AOPEP: variants seen among roughly 807,000 people sequenced by gnomAD.
AOPEP encodes aminopeptidase O.
In AOPEP, 77 loss-of-function variants were observed where a neutral mutation model predicts 98.1. The ratio of observed to expected loss-of-function variants is 0.78; its 90% CI spans 0.65 to 0.95. The LOEUF is 0.95. Among genes scored for constraint, AOPEP ranks in the 40% least tolerant of loss-of-function variants. The probability of loss-of-function intolerance (pLI) is 0.00; values close to 1 mark genes in which losing one functional copy is unlikely to be tolerated. For missense variants in AOPEP, 1,024 were observed against 1,024.7 expected (o/e 1.00, Z 0.01); for synonymous variants, 346 against 365.3 (o/e 0.95, Z 0.60).
the AOPEP span, among the ~76,000 whole-genome samples, chr9:95,146,656 A>G: frequency 1.3e-5 from 2 of 152,074 alleles, no homozygotes; most frequent in Non-Finnish European, 2.9e-5. Context: ...TTTGGATCTC[A>G]TTATCTGAGA....
At chr9:95,013,484 T>C (rs1339751442) in intron 13 of AOPEP, among the ~76,000 whole-genome samples, 1 of 151,934 alleles carries the variant, frequency 6.6e-6, no homozygotes, top group Non-Finnish European at 1.5e-5. Context: ...AATCTCCTCA[T>C]TATTCCCTTC....
Position 95,079,118 on chromosome 9 carries a change from G to GC in AOPEP, c.2233-1574dup. On this transcript the variant is annotated intron_variant, in intron 14 of 16. Coordinates refer to ENST00000375315, the MANE Select transcript of AOPEP (RefSeq NM_001193329.3). Reference sequence around the variant, plus strand: ...CTTCAGCACTTCAAAGGGCCTGGCTGCCTGCGAGCCCAGGGCCGCCCAGTG... The same window carrying GC: ...CTTCAGCACTTCAAAGGGCCTGGCTGCCCTGCGAGCCCAGGGCCGCCCAGTG... Among the ~76,000 whole-genome samples, 4 of 152,356 alleles carry GC rather than the reference G, an allele frequency of 2.6e-5. 1 individual carries two copies. Among genetic ancestry groups the GC allele is most frequent in the African/African-American group, 9.6e-5 (4 of 41,584 alleles).
intron 14 of AOPEP, among the ~76,000 whole-genome samples, chr9:95,073,486 C>T (rs921383421): frequency 1.3e-5 from 2 of 151,844 alleles, no homozygotes; most frequent in South Asian, 2.1e-4. Flanking sequence ...CGGTGGCTCC[C>T]GCCTGTAATC....
chr9:95,016,177 T>G (rs934892344), intron 13 of AOPEP, among the ~76,000 whole-genome samples: 4 of 150,814 alleles, frequency 2.7e-5, no homozygotes, highest in Admixed American at 6.6e-5. Flanking sequence ...TAAGGCAAAA[T>G]AAAATGTTTC....
At position 94,977,061 on chromosome 9, in the gene AOPEP, C is replaced by T. The variant is rs2059895254; in HGVS notation, c.1917-2306C>T. On this transcript the variant is annotated intron_variant, in intron 10 of 16. Transcript: ENST00000375315. ...CAGGGTTCTGGGCACAGAAACGTCC[C>T]TCTCTGGCTGGAAAGGAAGCCAGTG... Among the ~76,000 whole-genome samples, 5 of 152,202 alleles carry T rather than the reference C, an allele frequency of 3.3e-5. No homozygotes were observed. The South Asian group carries it at 1.0e-3, about 32-fold the overall frequency.
chr9:94,926,597 G>A (rs2054366013), intron 6 of AOPEP, among the ~76,000 whole-genome samples: 1 of 152,214 alleles, frequency 6.6e-6, no homozygotes, highest in African/African-American at 2.4e-5. Flanking sequence ...TGGCCCTGGC[G>A]AGTGCCTGCC....
Position 94,982,942 on chromosome 9 carries a change from G to C in AOPEP, c.1977+3515G>C, listed in dbSNP as rs1040015880. On this transcript the variant is annotated intron_variant, in intron 11 of 16. Coordinates refer to ENST00000375315, the MANE Select transcript of AOPEP (RefSeq NM_001193329.3). ...AAATACACTAGAAATAAATACACTA[G>C]AAATAAATTTCTGCATCCAGCCTTT... Among the ~76,000 whole-genome samples, 13 of 152,138 alleles carry C rather than the reference G, an allele frequency of 8.5e-5. No homozygotes were observed. In the East Asian group the frequency reaches 2.5e-3, roughly 29 times the overall value.
chr9:95,135,585 C>T, the AOPEP span: 2 of 1,177,136 alleles, frequency 1.7e-6, no homozygotes, highest in South Asian at 2.6e-5. Flanking sequence ...AATGCAATCA[C>T]TAATCCAATT....
chr9:95,005,052 C>A (rs1257360741), intron 11 of AOPEP, 106 bp from the exon 12 acceptor site: 1 of 431,846 alleles, frequency 2.3e-6, no homozygotes, highest in Non-Finnish European at 3.2e-6. Flanking sequence ...GCGTCCTCCC[C>A]GGCCGCGGGC....
intron 7 of AOPEP, chr9:94,933,071 C>A: frequency 2.0e-6 from 2 of 985,634 alleles, no homozygotes; most frequent in Non-Finnish European, 2.4e-6. Context: ...TCCTCTCTGG[C>A]CCTGGGCAGA....
At chr9:95,020,918 C>CAAAAAAAAAAAAA (rs55696602) in intron 13 of AOPEP, among the ~76,000 whole-genome samples, 1 of 73,364 alleles carries the variant, frequency 1.4e-5, no homozygotes, top group Non-Finnish European at 2.5e-5. Context: ...GACCTTGTCT[C>CAAAAAAAAAAAAA]AAAAAAAAAA....
At chr9:94,728,860 G>A (rs1048080336) in intron 1 of AOPEP, among the ~76,000 whole-genome samples, 2 of 152,200 alleles carry the variant, frequency 1.3e-5, no homozygotes, top group Admixed American at 6.5e-5. Flanking sequence ...GAAGAAATGT[G>A]TGGAAGTTCT....
chr9:94,991,080 G>C (rs2060864725), intron 11 of AOPEP, among the ~76,000 whole-genome samples: 1 of 152,164 alleles, frequency 6.6e-6, no homozygotes, highest in Non-Finnish European at 1.5e-5. Flanking sequence ...GGCACATGCT[G>C]ATAGAAGATC....
chr9:94,877,379 T>C (rs1225020464), intron 5 of AOPEP, among the ~76,000 whole-genome samples: 2 of 152,042 alleles, frequency 1.3e-5, no homozygotes, highest in Admixed American at 6.5e-5. Context: ...TAAGGGTGTA[T>C]AGCCACATTT....
In AOPEP at chr9:95,005,565, C is replaced by G. The variant is rs747090248; in HGVS notation, c.2064C>G (p.Asn688Lys). ...AGGTCACGAAATGGATTGGAGTGAA[C>G]CGGAGACCCCGAAAACGGAAGCGCA... ...RAEVTKWIGV[N>K]RRPRKRKRRE... Residue 688 changes from asparagine to lysine, a missense_variant, in exon 13 of 17, where the codon AAC becomes AAG. Around this residue, in one of 3 missense-constraint regions of AOPEP, gnomAD observed 566 missense variants for 551.7 expected, o/e 1.03. Coordinates refer to ENST00000375315, the MANE Select transcript of AOPEP (RefSeq NM_001193329.3). 1.9e-6 allele frequency: 3 copies of G among 1,613,726 alleles called. No individual in the cohort carries two copies. The highest frequency in any genetic ancestry group is 1.1e-5 in the South Asian group (1 of 91,052).
intron 14 of AOPEP, among the ~76,000 whole-genome samples, chr9:95,069,432 A>G (rs1289955749): frequency 6.6e-6 from 1 of 150,912 alleles, no homozygotes; most frequent in South Asian, 2.1e-4. Context: ...TTATTTTCTA[A>G]TTTCAGAATT....
intron 1 of AOPEP, among the ~76,000 whole-genome samples, chr9:94,735,207 G>A (rs1831446199): frequency 6.6e-6 from 1 of 152,082 alleles, no homozygotes; most frequent in East Asian, 1.9e-4. Context: ...TGCTATCCTT[G>A]CATGTCCAAG....
chr9:94,775,405 C>T (rs902645707), intron 3 of AOPEP, among the ~76,000 whole-genome samples: 1 of 149,650 alleles, frequency 6.7e-6, no homozygotes, highest in Non-Finnish European at 1.5e-5. Flanking sequence ...GAGTCTTGCT[C>T]TGTCGCCAGG....
chr9:94,813,403 A>G (rs1437635418), intron 5 of AOPEP, among the ~76,000 whole-genome samples: 2 of 152,164 alleles, frequency 1.3e-5, no homozygotes, highest in East Asian at 3.9e-4. Context: ...ACCTGACTTT[A>G]TAGCTTTCGG....
Sources: allele counts gnomAD v4.1 joint callset (sites outside exome capture counted in the v4.1 genomes callset), GRCh38; gene constraint gnomAD v4.1.1; regional missense constraint gnomAD v4.1.1; transcripts MANE v1.5; gene names NCBI Gene and HGNC (gene_info 2026-07-23, HGNC 2026-07-21).